Variants in GOLGA4 observed in about 807,000 individuals in gnomAD.
GOLGA4 encodes the protein golgin subfamily A member 4.
In GOLGA4, 169 loss-of-function variants were observed where a neutral mutation model predicts 265.9. The ratio of observed to expected loss-of-function variants is 0.64; its 90% CI spans 0.56 to 0.72. The LOEUF (loss-of-function observed/expected upper bound fraction) is 0.72, where lower values mean the gene tolerates loss of function less well. GOLGA4 is among the 30% of genes least tolerant of loss of function. The pLI, the probability that GOLGA4 is intolerant of heterozygous loss-of-function variation, is 0.00. For missense variants in GOLGA4, 2,482 were observed against 2,483.4 expected (o/e 1.00, Z 0.01); for synonymous variants, 923 against 855.8 (o/e 1.08, Z -1.37).
chr3:37,345,512 T>C (rs1490795210), intron 20 of GOLGA4, among the ~76,000 whole-genome samples: 1 of 152,214 alleles, frequency 6.6e-6, no homozygotes, highest in Non-Finnish European at 1.5e-5. Context: ...GAAGACCCAT[T>C]AGAGGCAACG....
chr3:37,299,222 G>T, intron 8 of GOLGA4, 66 bp from the exon 9 acceptor site: 1 of 1,094,944 alleles, frequency 9.1e-7, no homozygotes, highest in Non-Finnish European at 1.4e-6. Context: ...TTAGATAAAT[G>T]TTTAGAGTTC....
At chr3:37,347,814 T>C (rs111723952) in intron 21 of GOLGA4, among the ~76,000 whole-genome samples, 2,472 of 152,298 alleles carry the variant, frequency 0.016, 32 homozygotes, top group South Asian at 0.049. Flanking sequence ...TTTTCTAGAA[T>C]GTTGCATTTA....
chr3:37,309,252 A>G (rs2096916180), intron 10 of GOLGA4, among the ~76,000 whole-genome samples: 1 of 131,084 alleles, frequency 7.6e-6, no homozygotes, highest in African/African-American at 2.9e-5. Flanking sequence ...ACTCTGTTTC[A>G]AAAATAAAAA....
chr3:37,312,255 A>G (rs956022831), intron 10 of GOLGA4, among the ~76,000 whole-genome samples: 1 of 152,194 alleles, frequency 6.6e-6, no homozygotes, highest in Non-Finnish European at 1.5e-5. Flanking sequence ...TAAACCTTCA[A>G]CACAAACTAA....
intron 10 of GOLGA4, among the ~76,000 whole-genome samples, chr3:37,314,682 C>CACACACACACACAT (rs148252805): frequency 7.0e-6 from 1 of 142,580 alleles, no homozygotes; most frequent in African/African-American, 2.5e-5. Context: ...CACACACACA[C>CACACACACACACAT]GAAAAAAACC....
intron 7 of GOLGA4, among the ~76,000 whole-genome samples, chr3:37,296,889 T>C (rs1056069075): frequency 2.4e-4 from 37 of 152,132 alleles, no homozygotes; most frequent in African/African-American, 8.0e-4. Flanking sequence ...TGTTTTAATA[T>C]GCAAAAATTT....
intron 5 of GOLGA4, among the ~76,000 whole-genome samples, chr3:37,291,830 C>G (rs1011435414): frequency 1.3e-5 from 2 of 151,886 alleles, no homozygotes; most frequent in African/African-American, 4.8e-5. Context: ...CTTTATCTTC[C>G]TCTATTAGGA....
intron 1 of GOLGA4, among the ~76,000 whole-genome samples, chr3:37,248,569 T>A (rs981257212): frequency 6.6e-6 from 1 of 152,208 alleles, no homozygotes; most frequent in Non-Finnish European, 1.5e-5. Flanking sequence ...TACTTTATAC[T>A]CACATCCATT....
intron 2 of GOLGA4, among the ~76,000 whole-genome samples, chr3:37,278,131 G>GT (rs1047208011): frequency 3.3e-5 from 5 of 149,632 alleles, no homozygotes; most frequent in East Asian, 1.9e-4. Flanking sequence ...ATTCAATAAA[G>GT]TTTTTTTTGT....
chr3:37,337,327 T>C (rs2151006825), intron 18 of GOLGA4, among the ~76,000 whole-genome samples, 164 bp downstream of exon 18: 1 of 152,148 alleles, frequency 6.6e-6, no homozygotes, highest in East Asian at 1.9e-4. Flanking sequence ...GTCTCCCAAA[T>C]AGCTGGGACT....
At chr3:37,254,179 C>T (rs576590512) in intron 2 of GOLGA4, among the ~76,000 whole-genome samples, 15 of 152,230 alleles carry the variant, frequency 9.9e-5, no homozygotes, top group African/African-American at 3.6e-4. Context: ...AGTACTGCAG[C>T]TTTCATTCAA....
In GOLGA4 at chr3:37,302,333, G is replaced by A. The variant is rs776942895; in HGVS notation, c.1234+1G>A. The stretch of plus-strand genomic sequence containing the variant: ...CAGAAAGAAAAGTCCGAAAGAGCTG[G>A]TAAGAACTTGAGGGTTACTTGTTTT... On this transcript the variant is annotated splice_donor_variant, in intron 10 of 23. Transcript: ENST00000361924. LOFTEE classifies it high-confidence loss of function. 1.9e-6 allele frequency: 3 copies of A among 1,612,188 alleles called. No homozygotes were observed. The African/African-American group carries it at 4.0e-5, about 22-fold the overall frequency.
At chr3:37,262,766 AACAG>A (rs2096773394) in intron 2 of GOLGA4, among the ~76,000 whole-genome samples, 1 of 151,714 alleles carries the variant, frequency 6.6e-6, no homozygotes, top group Non-Finnish European at 1.5e-5. Context: ...AACAAAAACA[AACAG>A]ACAAAAAATA....
chr3:37,246,655 A>C (rs745699675), intron 1 of GOLGA4, among the ~76,000 whole-genome samples: 1 of 152,232 alleles, frequency 6.6e-6, no homozygotes, highest in Non-Finnish European at 1.5e-5. Flanking sequence ...ACAGAGTTTT[A>C]GTTTGGAAAG....
intron 10 of GOLGA4, among the ~76,000 whole-genome samples, chr3:37,303,054 T>C (rs1287330620): frequency 6.6e-6 from 1 of 152,244 alleles, no homozygotes; most frequent in Non-Finnish European, 1.5e-5. Flanking sequence ...ACATTTCAGA[T>C]GCTACAATGC....
chr3:37,286,138 CTTTTT>C (rs71094903), intron 4 of GOLGA4, 77 bp downstream of exon 4: 229 of 225,480 alleles, frequency 1.0e-3, no homozygotes, highest in East Asian at 1.9e-3. Context: ...ATATTTCTTT[CTTTTT>C]TTTTTTTTTT....
chr3:37,279,823 C>A (rs975091731), intron 2 of GOLGA4, among the ~76,000 whole-genome samples: 1 of 151,876 alleles, frequency 6.6e-6, no homozygotes, highest in Non-Finnish European at 1.5e-5. Context: ...ACGGGAATCA[C>A]TTGAACCCGG....
chr3:37,331,187 TGTA>T (rs2096988993), intron 16 of GOLGA4, among the ~76,000 whole-genome samples: 2 of 152,344 alleles, frequency 1.3e-5, no homozygotes, highest in Middle Eastern at 3.4e-3. Context: ...CATTTCAACA[TGTA>T]GTCAATATTA....
intron 10 of GOLGA4, among the ~76,000 whole-genome samples, chr3:37,312,379 C>T (rs886601874): frequency 2.0e-5 from 3 of 151,940 alleles, no homozygotes; most frequent in Admixed American, 6.6e-5. Context: ...TCATTATTTC[C>T]GTATTTTCTG....
Sources: gnomAD v4.1 joint callset for allele counts (sites outside exome capture counted in the v4.1 genomes callset) on GRCh38, gnomAD v4.1.1 for gene constraint, MANE v1.5 for transcripts, NCBI Gene and HGNC (gene_info 2026-07-23, HGNC 2026-07-21) for gene names.